Variants in ATG7 observed in about 807,000 individuals in gnomAD.
ATG7 encodes ubiquitin-like modifier-activating enzyme ATG7.
In ATG7, 70 loss-of-function variants were observed where a neutral mutation model predicts 82.4. That is an observed-to-expected ratio of 0.85 (90% CI 0.70 to 1.04). The LOEUF (loss-of-function observed/expected upper bound fraction) is 1.04. Ranked by LOEUF, ATG7 falls within the 50% of genes least tolerant of loss-of-function variation. The pLI is 0.00. For missense variants in ATG7, 792 were observed against 864.3 expected (o/e 0.92, Z 1.05); for synonymous variants, 287 against 313.0 (o/e 0.92, Z 0.88).
intron 19 of ATG7, among the ~76,000 whole-genome samples, chr3:11,383,603 C>T (rs1441027542): frequency 3.3e-5 from 5 of 152,142 alleles, no homozygotes; most frequent in African/African-American, 1.2e-4. Flanking sequence ...CACTTGCCAC[C>T]ATGCCTGGCT....
intron 20 of ATG7, among the ~76,000 whole-genome samples, chr3:11,547,806 T>C (rs959893482): frequency 3.3e-5 from 5 of 152,250 alleles, no homozygotes; most frequent in Non-Finnish European, 7.3e-5. Flanking sequence ...TCTTAGCAAT[T>C]TGTGTCTTTT....
At chr3:11,424,547 A>G (rs2082200780) in intron 19 of ATG7, among the ~76,000 whole-genome samples, 1 of 151,770 alleles carries the variant, frequency 6.6e-6, no homozygotes, top group African/African-American at 2.4e-5. Context: ...CAGAGAGCTG[A>G]TTAAATTATG....
At chr3:11,498,440 G>C (rs747362194) in intron 20 of ATG7, among the ~76,000 whole-genome samples, 1 of 152,102 alleles carries the variant, frequency 6.6e-6, no homozygotes, top group Non-Finnish European at 1.5e-5. Context: ...GCTTTTTTCA[G>C]GTGCTATAAT....
At chr3:11,383,677 T>A (rs557837848) in intron 19 of ATG7, among the ~76,000 whole-genome samples, 2 of 152,172 alleles carry the variant, frequency 1.3e-5, no homozygotes, top group Non-Finnish European at 2.9e-5. Context: ...CTCTAACTGC[T>A]GACCTCGTGA....
chr3:11,369,538 G>T (rs958981703), intron 18 of ATG7, among the ~76,000 whole-genome samples: 2 of 151,118 alleles, frequency 1.3e-5, no homozygotes, highest in African/African-American at 4.9e-5. Flanking sequence ...TTTGCGTTTG[G>T]GGTAATCTAA....
At chr3:11,511,160 A>G (rs1210302699) in intron 20 of ATG7, among the ~76,000 whole-genome samples, 1 of 152,176 alleles carries the variant, frequency 6.6e-6, no homozygotes. Flanking sequence ...AAGCTTCCAC[A>G]GCGTGGAAGG....
chr3:11,502,071 T>G (rs1487169937), intron 20 of ATG7, among the ~76,000 whole-genome samples: 2 of 152,024 alleles, frequency 1.3e-5, no homozygotes, highest in Non-Finnish European at 2.9e-5. Context: ...TTTGCTGTCA[T>G]GTAAAATAAC....
At chr3:11,312,400 G>C (rs1404129687) in intron 7 of ATG7, among the ~76,000 whole-genome samples, 2 of 152,200 alleles carry the variant, frequency 1.3e-5, no homozygotes, top group Non-Finnish European at 2.9e-5. Flanking sequence ...AGCGTGAGTG[G>C]GAACAGTGTC....
chr3:11,564,652 G>A, the ATG7 span: 29 of 829,078 alleles, frequency 3.5e-5, no homozygotes, highest in Non-Finnish European at 4.5e-5. Context: ...CAACAGAGGC[G>A]AAGGGTGGCA....
intron 13 of ATG7, among the ~76,000 whole-genome samples, chr3:11,346,126 AC>A (rs1954503816): frequency 6.6e-6 from 1 of 152,122 alleles, no homozygotes; most frequent in African/African-American, 2.4e-5. Flanking sequence ...TGATGTTCCC[AC>A]CTTGGCCTCC....
At chr3:11,551,471 C>A (rs562075327) in intron 20 of ATG7, among the ~76,000 whole-genome samples, 1 of 152,266 alleles carries the variant, frequency 6.6e-6, no homozygotes, top group African/African-American at 2.4e-5. Context: ...CAGTTTACGT[C>A]TTTCCAGGAG....
chr3:11,277,891 A>AACCC (rs1942170487), intron 1 of ATG7, among the ~76,000 whole-genome samples: 13 of 60,770 alleles, frequency 2.1e-4, no homozygotes, highest in Admixed American at 5.4e-4. Context: ...CCCTTTATAG[A>AACCC]CCCCCCCCCC....
At chr3:11,277,296 A>G (rs536350180) in intron 1 of ATG7, 4 of 152,388 alleles carry the variant, frequency 2.6e-5, no homozygotes, top group African/African-American at 4.8e-5. Context: ...AGCTTTTCAC[A>G]TAAGGCTCTT....
intron 19 of ATG7, among the ~76,000 whole-genome samples, chr3:11,417,800 A>ATTTTTTTTTTTTTTTTTTTT (rs1314378737): frequency 8.2e-5 from 9 of 109,368 alleles, no homozygotes; most frequent in Non-Finnish European, 1.3e-4. Context: ...TATTATTATT[A>ATTTTTTTTTTTTTTTTTTTT]TTTTATTTTA....
At chr3:11,413,856 G>C (rs919514481) in intron 19 of ATG7, among the ~76,000 whole-genome samples, 1 of 152,268 alleles carries the variant, frequency 6.6e-6, no homozygotes, top group Admixed American at 6.5e-5. Context: ...ATCAGGTGCA[G>C]GGCTTTTGTT....
chr3:11,525,745 G>A (rs993141149), intron 20 of ATG7, among the ~76,000 whole-genome samples: 5 of 151,598 alleles, frequency 3.3e-5, no homozygotes, highest in Non-Finnish European at 7.4e-5. Context: ...TAGTAGAGAC[G>A]GGGTTTCACC....
downstream of ATG7, chr3:11,558,854 T>G (rs760537184): frequency 1.2e-6 from 2 of 1,606,608 alleles, no homozygotes; most frequent in Non-Finnish European, 8.5e-7. Flanking sequence ...AGGCAGGCAG[T>G]CAGACACAGG....
chr3:11,519,326 G>C (rs1266731016), intron 20 of ATG7, among the ~76,000 whole-genome samples: 1 of 152,024 alleles, frequency 6.6e-6, no homozygotes, highest in Admixed American at 6.6e-5. Context: ...ATAAATAGGC[G>C]AAGGTAATTA....
At chr3:11,491,858 C>T (rs144249468) in intron 20 of ATG7, among the ~76,000 whole-genome samples, 3,923 of 152,212 alleles carry the variant, frequency 0.026, 162 homozygotes, top group African/African-American at 0.088. Context: ...AGTACCCGGC[C>T]GTGTGAGGTA....
Sources: allele counts gnomAD v4.1 joint callset (sites outside exome capture counted in the v4.1 genomes callset), GRCh38; gene constraint gnomAD v4.1.1; transcripts MANE v1.5; gene names NCBI Gene and HGNC (gene_info 2026-07-23, HGNC 2026-07-21).